The following DLG2 variants were observed in gnomAD, a reference collection of about 807,000 sequenced individuals.
The protein encoded by DLG2 is disks large homolog 2.
Under a neutral mutation model 132.5 loss-of-function variants are expected in DLG2, and 45 were observed. The ratio of observed to expected loss-of-function variants is 0.34; its 90% CI spans 0.27 to 0.44. DLG2 has a LOEUF of 0.44. Ranked by LOEUF, DLG2 falls within the 20% of genes least tolerant of loss-of-function variation. The probability of loss-of-function intolerance (pLI) is 1.00; values close to 1 mark genes in which losing one functional copy is unlikely to be tolerated. For synonymous variants in DLG2, 424 were observed against 419.6 expected (o/e 1.01, Z -0.13); for missense variants, 1,045 against 1,196.9 (o/e 0.87, Z 1.87).
At chr11:83,661,006 C>T (rs142488653) in intron 18 of DLG2, among the ~76,000 whole-genome samples, 1 of 152,244 alleles carries the variant, frequency 6.6e-6, no homozygotes, top group East Asian at 1.9e-4. Flanking sequence ...TACTCTACAA[C>T]AAAGATGTGT....
intron 4 of DLG2, among the ~76,000 whole-genome samples, chr11:85,209,120 C>T (rs533161272): frequency 4.6e-5 from 7 of 152,170 alleles, no homozygotes; most frequent in African/African-American, 1.7e-4. Context: ...ACCTTGCTCC[C>T]TAACTATTCA....
At chr11:83,919,337 A>C (rs1004956498) in intron 15 of DLG2, among the ~76,000 whole-genome samples, 18 of 152,306 alleles carry the variant, frequency 1.2e-4, no homozygotes, top group African/African-American at 4.1e-4. Flanking sequence ...TAGAAAGGAA[A>C]ACGGGGCTAC....
chr11:83,793,416 A>G (rs932911267), intron 17 of DLG2, among the ~76,000 whole-genome samples: 1 of 152,186 alleles, frequency 6.6e-6, no homozygotes. Flanking sequence ...ATCTTTAGCC[A>G]TTTAATCCTT....
At chr11:85,059,816 G>A (rs550478812) in intron 6 of DLG2, among the ~76,000 whole-genome samples, 3 of 151,652 alleles carry the variant, frequency 2.0e-5, no homozygotes, top group East Asian at 3.9e-4. Flanking sequence ...GGGAAGTTGT[G>A]TTCACTTTGT....
chr11:84,066,605 CA>C (rs1313897812), intron 10 of DLG2, among the ~76,000 whole-genome samples: 1 of 151,910 alleles, frequency 6.6e-6, no homozygotes, highest in Non-Finnish European at 1.5e-5. Context: ...GCTAAAAATA[CA>C]AAAAATTAGC....
chr11:85,024,764 A>G (rs2060374291), intron 6 of DLG2, among the ~76,000 whole-genome samples: 2 of 152,176 alleles, frequency 1.3e-5, no homozygotes, highest in South Asian at 2.1e-4. Flanking sequence ...TTCTGCAAAC[A>G]CTTTTTTTCC....
At chr11:83,845,480 A>G (rs2058438941) in intron 16 of DLG2, among the ~76,000 whole-genome samples, 1 of 152,166 alleles carries the variant, frequency 6.6e-6, no homozygotes, top group Non-Finnish European at 1.5e-5. Flanking sequence ...AATCAGTCAA[A>G]CAGATTATTG....
At chr11:85,575,759 C>G (rs1565706361) in intron 3 of DLG2, among the ~76,000 whole-genome samples, 1 of 152,052 alleles carries the variant, frequency 6.6e-6, no homozygotes, top group Non-Finnish European at 1.5e-5. Flanking sequence ...AAAACAGCAA[C>G]TCTTCTTCTA....
chr11:84,543,679 A>C (rs1358611795), intron 6 of DLG2, among the ~76,000 whole-genome samples: 3 of 152,196 alleles, frequency 2.0e-5, no homozygotes, highest in Non-Finnish European at 4.4e-5. Context: ...CCTTTAAAAA[A>C]ACAATGACCC....
At chr11:85,053,668 G>C (rs1032887370) in intron 6 of DLG2, among the ~76,000 whole-genome samples, 5 of 149,774 alleles carry the variant, frequency 3.3e-5, no homozygotes, top group African/African-American at 9.8e-5. Flanking sequence ...CTGGCGTGGT[G>C]GTGGGCGCCT....
At chr11:84,358,359 C>A (rs928866982) in intron 7 of DLG2, among the ~76,000 whole-genome samples, 2 of 148,448 alleles carry the variant, frequency 1.3e-5, no homozygotes, top group Non-Finnish European at 3.0e-5. Flanking sequence ...CAGCAAGTCC[C>A]AGTATTTTTT....
intron 21 of DLG2, among the ~76,000 whole-genome samples, chr11:83,513,261 C>G (rs1165678675): frequency 6.6e-6 from 1 of 152,048 alleles, no homozygotes; most frequent in East Asian, 1.9e-4. Context: ...GTGGGATTTG[C>G]AGTTCTCTGA....
chr11:83,756,703 A>C (rs2093661745), intron 18 of DLG2, among the ~76,000 whole-genome samples: 1 of 151,504 alleles, frequency 6.6e-6, no homozygotes, highest in Non-Finnish European at 1.5e-5. Flanking sequence ...GATAAAAGTA[A>C]TCCAGCCCAG....
At chr11:83,719,752 G>A (rs879455064) in intron 18 of DLG2, among the ~76,000 whole-genome samples, 18 of 152,220 alleles carry the variant, frequency 1.2e-4, no homozygotes, top group Admixed American at 6.5e-4. Context: ...GAAGTTTGGC[G>A]GGCAAAAATA....
At chr11:85,423,337 G>T (rs1395342851) in intron 3 of DLG2, among the ~76,000 whole-genome samples, 2 of 152,218 alleles carry the variant, frequency 1.3e-5, no homozygotes, top group Non-Finnish European at 2.9e-5. Context: ...GAGGTGGCAG[G>T]TGGATGTACT....
At chr11:85,321,622 T>C (rs2081075760) in intron 3 of DLG2, among the ~76,000 whole-genome samples, 1 of 151,886 alleles carries the variant, frequency 6.6e-6, no homozygotes, top group Admixed American at 6.6e-5. Flanking sequence ...CTAGGTAAGA[T>C]GACTAAGAAG....
intron 7 of DLG2, among the ~76,000 whole-genome samples, chr11:84,273,738 CTG>C (rs774697601): frequency 2.0e-5 from 3 of 152,158 alleles, no homozygotes; most frequent in Non-Finnish European, 4.4e-5. Context: ...CACTTGTTTG[CTG>C]TGTCAGAAAT....
intron 4 of DLG2, among the ~76,000 whole-genome samples, chr11:85,162,725 G>A (rs1483883343): frequency 6.6e-6 from 1 of 152,172 alleles, no homozygotes; most frequent in East Asian, 1.9e-4. Context: ...GTTGTATTAT[G>A]TTAGATGTAA....
chr11:84,156,946 A>G (rs1287929061), intron 9 of DLG2, among the ~76,000 whole-genome samples: 1 of 152,182 alleles, frequency 6.6e-6, no homozygotes, highest in African/African-American at 2.4e-5. Context: ...CACATTGTTG[A>G]TCTTTTTGAA....
Sources: allele counts gnomAD v4.1 joint callset (sites outside exome capture counted in the v4.1 genomes callset), GRCh38; gene constraint gnomAD v4.1.1; transcripts MANE v1.5; gene names NCBI Gene and HGNC (gene_info 2026-07-23, HGNC 2026-07-21).